Variants in ZNF277 observed in about 807,000 individuals in gnomAD.
ZNF277 encodes nuclear receptor-interacting factor 4.
Under a neutral mutation model 60.7 loss-of-function variants are expected in ZNF277, and 55 were observed. The ratio of observed to expected loss-of-function variants is 0.91; its 90% confidence interval spans 0.73 to 1.13. The LOEUF (loss-of-function observed/expected upper bound fraction) is 1.13, where lower values mean the gene tolerates loss of function less well. ZNF277 is among the 50% of genes most tolerant of loss of function. The pLI is 0.00. For missense variants in ZNF277, 510 were observed against 523.0 expected (o/e 0.98, Z 0.24); for synonymous variants, 178 against 179.3 (o/e 0.99, Z 0.06).
chr7:112,267,692 AG>A (rs1228122367), intron 1 of ZNF277, among the ~76,000 whole-genome samples: 5 of 151,794 alleles, frequency 3.3e-5, no homozygotes, highest in African/African-American at 1.2e-4. Context: ...TTTCACTGTT[AG>A]GGGATATTGG....
chr7:112,280,116 C>T (rs1223904775), intron 1 of ZNF277, among the ~76,000 whole-genome samples: 1 of 152,106 alleles, frequency 6.6e-6, no homozygotes, highest in African/African-American at 2.4e-5. Context: ...GGAGGCTTAG[C>T]TTCAGTGCAA....
At chr7:112,252,695 T>C (rs1416341298) in intron 1 of ZNF277, among the ~76,000 whole-genome samples, 1 of 152,146 alleles carries the variant, frequency 6.6e-6, no homozygotes, top group African/African-American at 2.4e-5. Context: ...TGTTTCCTTA[T>C]CTGAAAAGTA....
chr7:112,338,976 G>A (rs1244141967), intron 9 of ZNF277, among the ~76,000 whole-genome samples: 1 of 152,176 alleles, frequency 6.6e-6, no homozygotes, highest in Non-Finnish European at 1.5e-5. Flanking sequence ...CATTTACACA[G>A]ACAATTGCAG....
At chr7:112,280,500 G>A (rs1791915163) in intron 1 of ZNF277, among the ~76,000 whole-genome samples, 1 of 152,142 alleles carries the variant, frequency 6.6e-6, no homozygotes, top group South Asian at 2.1e-4. Context: ...GTGGATTTAG[G>A]GCCAAAGCAG....
chr7:112,265,729 G>A (rs1791535899), intron 1 of ZNF277, among the ~76,000 whole-genome samples: 1 of 152,104 alleles, frequency 6.6e-6, no homozygotes. Flanking sequence ...GAGATTATGG[G>A]TATTTTTTCT....
chr7:112,329,034 T>C (rs1269463870), intron 6 of ZNF277, among the ~76,000 whole-genome samples: 1 of 152,136 alleles, frequency 6.6e-6, no homozygotes, highest in Non-Finnish European at 1.5e-5. Context: ...TCTAGCAAGA[T>C]TAGCAATAAT....
chr7:112,241,506 C>T (rs1790954389), intron 1 of ZNF277, among the ~76,000 whole-genome samples: 1 of 152,068 alleles, frequency 6.6e-6, no homozygotes, highest in Non-Finnish European at 1.5e-5. Context: ...GGTGTATACC[C>T]AAAATAAAGG....
At chr7:112,269,785 C>G (rs1186566764) in intron 1 of ZNF277, among the ~76,000 whole-genome samples, 3 of 152,072 alleles carry the variant, frequency 2.0e-5, no homozygotes, top group Non-Finnish European at 2.9e-5. Context: ...CCTTCTTTAT[C>G]AAGGGTTTAT....
intron 1 of ZNF277, among the ~76,000 whole-genome samples, chr7:112,220,301 G>T (rs1821992121): frequency 1.3e-5 from 2 of 148,740 alleles, no homozygotes; most frequent in African/African-American, 2.5e-5. Context: ...TTTTTTTTTG[G>T]CAAGATTGTA....
intron 7 of ZNF277, among the ~76,000 whole-genome samples, chr7:112,331,849 T>C (rs781388301): frequency 1.3e-4 from 20 of 152,262 alleles, no homozygotes; most frequent in Non-Finnish European, 2.8e-4. Flanking sequence ...AGCAATTTAA[T>C]AGTTCTTCCT....
At chr7:112,230,940 C>T (rs1822308585) in intron 1 of ZNF277, among the ~76,000 whole-genome samples, 2 of 152,106 alleles carry the variant, frequency 1.3e-5, no homozygotes, top group Non-Finnish European at 2.9e-5. Context: ...TGTGACCAGG[C>T]ATGGTGGCTG....
At chr7:112,265,737 T>G (rs1791536091) in intron 1 of ZNF277, among the ~76,000 whole-genome samples, 2 of 152,358 alleles carry the variant, frequency 1.3e-5, no homozygotes, top group Admixed American at 1.3e-4. Context: ...GGGTATTTTT[T>G]CTTTTCACTT....
At chr7:112,335,145 GA>G (rs1476772001) in intron 7 of ZNF277, among the ~76,000 whole-genome samples, 1 of 152,112 alleles carries the variant, frequency 6.6e-6, no homozygotes, top group Non-Finnish European at 1.5e-5. Flanking sequence ...GGGGGAAAAA[GA>G]GTCCATAATT....
At chr7:112,261,854 A>G (rs1791444646) in intron 1 of ZNF277, among the ~76,000 whole-genome samples, 1 of 152,182 alleles carries the variant, frequency 6.6e-6, no homozygotes, top group African/African-American at 2.4e-5. Context: ...AGGTGACCTG[A>G]ACTACCATTT....
rs1427631614 is a variant in ZNF277 at position 112,237,970 on chromosome 7, A to T, written c.91+31163A>T. 3.9e-5 allele frequency among the ~76,000 whole-genome samples: 6 copies of T among 152,272 alleles called. 1 individual carries two copies. Among genetic ancestry groups the T allele is most frequent in the Admixed American group, 3.3e-4 (5 of 15,284 alleles). On this transcript the variant is annotated intron_variant, in intron 1 of 11. Transcript: ENST00000361822. ...ATCCAACAGCACATGAAAAATAAAT[A>T]AATTAACACCACCTGCAGAGGAGGC...
At chr7:112,303,250 C>T (rs959040915) in intron 4 of ZNF277, among the ~76,000 whole-genome samples, 1 of 151,940 alleles carries the variant, frequency 6.6e-6, no homozygotes, top group Non-Finnish European at 1.5e-5. Flanking sequence ...TGTGTCCAGC[C>T]AAATGTGACA....
intron 1 of ZNF277, among the ~76,000 whole-genome samples, chr7:112,229,580 T>C (rs951166023): frequency 2.0e-5 from 3 of 152,198 alleles, no homozygotes; most frequent in Non-Finnish European, 2.9e-5. Flanking sequence ...TCTCTAGTAA[T>C]TGTCACACAG....
intron 4 of ZNF277, among the ~76,000 whole-genome samples, chr7:112,306,272 T>C (rs73197343): frequency 0.035 from 5,221 of 148,160 alleles, 195 homozygotes; most frequent in South Asian, 0.12. Flanking sequence ...TGGAATGCAA[T>C]GGCGCAATTT....
chr7:112,227,778 T>C (rs889668982), intron 1 of ZNF277, among the ~76,000 whole-genome samples: 1 of 152,160 alleles, frequency 6.6e-6, no homozygotes, highest in Non-Finnish European at 1.5e-5. Context: ...CATTCCTGAA[T>C]GGCTATATTA....
Sources: allele counts gnomAD v4.1 joint callset (sites outside exome capture counted in the v4.1 genomes callset), GRCh38; gene constraint gnomAD v4.1.1; transcripts MANE v1.5; gene names NCBI Gene and HGNC (gene_info 2026-07-23, HGNC 2026-07-21).